Variants in MRAP2 observed in about 807,000 individuals in gnomAD.
MRAP2 encodes the protein melanocortin 2 receptor accessory protein 2.
In MRAP2, 20 loss-of-function variants were observed where a neutral mutation model predicts 17.4. That is an observed-to-expected ratio of 1.15 (90% CI 0.81 to 1.67). The LOEUF (loss-of-function observed/expected upper bound fraction) is 1.67. MRAP2 is among the 40% of genes most tolerant of loss of function. The pLI, the probability that MRAP2 is intolerant of heterozygous loss-of-function variation, is 0.00. For missense variants in MRAP2, 238 were observed against 240.0 expected (o/e 0.99, Z 0.05); for synonymous variants, 96 against 88.4 (o/e 1.09, Z -0.48).
the MRAP2 span, among the ~76,000 whole-genome samples, chr6:84,109,595 T>C: frequency 6.6e-6 from 1 of 152,126 alleles, no homozygotes; most frequent in African/African-American, 2.4e-5. Flanking sequence ...CTTAAAACAC[T>C]CAACTTCTTT....
the MRAP2 span, among the ~76,000 whole-genome samples, chr6:84,109,021 A>G: frequency 1.3e-5 from 2 of 152,072 alleles, no homozygotes; most frequent in African/African-American, 4.8e-5. Context: ...ATTCTGTACC[A>G]TTGGTCTATG....
At chr6:84,093,979 C>G (rs1225750813), downstream of MRAP2, among the ~76,000 whole-genome samples, 1 of 152,182 alleles carries the variant, frequency 6.6e-6, no homozygotes, top group East Asian at 1.9e-4. Context: ...CACTCCAAAA[C>G]AGAAAACGAA....
chr6:84,121,305 T>C, the MRAP2 span, among the ~76,000 whole-genome samples: 1 of 152,016 alleles, frequency 6.6e-6, no homozygotes, highest in Non-Finnish European at 1.5e-5. Context: ...TCCTATACCA[T>C]GGTGGAATGA....
At chr6:84,101,728 G>C in the MRAP2 span, among the ~76,000 whole-genome samples, 1 of 152,140 alleles carries the variant, frequency 6.6e-6, no homozygotes, top group Non-Finnish European at 1.5e-5. Context: ...AACTTGATTA[G>C]TGGTTAAAGA....
intron 3 of MRAP2, among the ~76,000 whole-genome samples, chr6:84,083,521 T>G (rs1335356610): frequency 6.6e-6 from 1 of 152,216 alleles, no homozygotes; most frequent in East Asian, 1.9e-4. Flanking sequence ...AACAAATTTA[T>G]TCTGTTTTTA....
the MRAP2 span, among the ~76,000 whole-genome samples, chr6:84,119,953 T>C: frequency 1.3e-5 from 2 of 152,200 alleles, no homozygotes; most frequent in South Asian, 2.1e-4. Context: ...TTTAGAGATG[T>C]AGATAAAGAT....
At chr6:84,053,992 A>AT (rs1280203573) in intron 1 of MRAP2, among the ~76,000 whole-genome samples, 5 of 151,954 alleles carry the variant, frequency 3.3e-5, no homozygotes, top group African/African-American at 1.2e-4. Flanking sequence ...GGTGGTGGTG[A>AT]TTTTGCCTCA....
chr6:84,128,789 C>G, the MRAP2 span, among the ~76,000 whole-genome samples: 1 of 151,962 alleles, frequency 6.6e-6, no homozygotes, highest in Admixed American at 6.6e-5. Flanking sequence ...GTTTGCTGCA[C>G]CCATCAACCC....
chr6:84,115,674 C>A, the MRAP2 span, among the ~76,000 whole-genome samples: 2 of 152,230 alleles, frequency 1.3e-5, no homozygotes, highest in East Asian at 3.9e-4. Flanking sequence ...AATGGCTGCC[C>A]AGTTTTGTGC....
intron 1 of MRAP2, chr6:84,045,035 A>G (rs1395088107): frequency 3.2e-5 from 5 of 156,542 alleles, no homozygotes; most frequent in Non-Finnish European, 2.8e-5. Context: ...TTTATATTGT[A>G]TTAGGTATTA....
At chr6:84,080,111 A>G (rs555040357) in intron 3 of MRAP2, among the ~76,000 whole-genome samples, 34 of 151,720 alleles carry the variant, frequency 2.2e-4, no homozygotes, top group African/African-American at 6.5e-4. Context: ...TTTGCTCACC[A>G]CAAGCTCCGC....
At chr6:84,075,284 T>G (rs2099497292) in intron 3 of MRAP2, among the ~76,000 whole-genome samples, 1 of 152,198 alleles carries the variant, frequency 6.6e-6, no homozygotes, top group Non-Finnish European at 1.5e-5. Context: ...AAGGGTAGTC[T>G]TCTGTGTATC....
intron 3 of MRAP2, among the ~76,000 whole-genome samples, chr6:84,066,596 TAAG>T (rs1437576332): frequency 6.6e-6 from 1 of 152,176 alleles, no homozygotes; most frequent in Non-Finnish European, 1.5e-5. Context: ...TTGAAAATAA[TAAG>T]AGCCATTTTT....
At chr6:84,073,798 C>A (rs1377956946) in intron 3 of MRAP2, among the ~76,000 whole-genome samples, 1 of 152,014 alleles carries the variant, frequency 6.6e-6, no homozygotes, top group African/African-American at 2.4e-5. Context: ...GCTTGTCCAA[C>A]CTGCGGCCCA....
chr6:84,129,139 C>A, the MRAP2 span, among the ~76,000 whole-genome samples: 1 of 152,124 alleles, frequency 6.6e-6, no homozygotes, highest in African/African-American at 2.4e-5. Flanking sequence ...GTGAATAGTG[C>A]CACAATAAAC....
the MRAP2 span, among the ~76,000 whole-genome samples, chr6:84,096,098 G>A: frequency 6.6e-6 from 1 of 152,134 alleles, no homozygotes; most frequent in Non-Finnish European, 1.5e-5. Flanking sequence ...ATGGAGTAAA[G>A]TTTTTTCTTC....
chr6:84,114,620 T>A, the MRAP2 span, among the ~76,000 whole-genome samples: 1 of 152,194 alleles, frequency 6.6e-6, no homozygotes, highest in African/African-American at 2.4e-5. Flanking sequence ...GTTCCCTTGC[T>A]GGTGAGGAGT....
At chr6:84,100,275 G>T in the MRAP2 span, among the ~76,000 whole-genome samples, 1 of 151,636 alleles carries the variant, frequency 6.6e-6, no homozygotes, top group African/African-American at 2.4e-5. Context: ...TGTTTATTTG[G>T]TTTTTGAGAC....
intron 2 of MRAP2, chr6:84,062,468 A>G: frequency 1.1e-6 from 1 of 894,786 alleles, no homozygotes; most frequent in East Asian, 1.2e-4. Context: ...TTCCTTGCAC[A>G]GTTAATATCT....
Sources: allele counts gnomAD v4.1 joint callset (sites outside exome capture counted in the v4.1 genomes callset), GRCh38; gene constraint gnomAD v4.1.1; transcripts MANE v1.5; gene names NCBI Gene and HGNC (gene_info 2026-07-23, HGNC 2026-07-21).